Variants in GRK5 observed in about 807,000 individuals in gnomAD.
The protein encoded by GRK5 is g protein-coupled receptor kinase GRK5.
Under a neutral mutation model 78.4 loss-of-function variants are expected in GRK5, and 40 were observed. That is an observed-to-expected ratio of 0.51 (90% CI 0.40 to 0.66). The LOEUF (loss-of-function observed/expected upper bound fraction) is 0.66, where lower values mean the gene tolerates loss of function less well. Ranked by LOEUF, GRK5 falls within the 30% of genes least tolerant of loss-of-function variation. The pLI is 0.00. For missense variants in GRK5, 598 were observed against 759.9 expected (o/e 0.79, Z 2.50); for synonymous variants, 289 against 296.8 (o/e 0.97, Z 0.27).
At chr10:119,225,467 A>T (rs1441562147) in intron 1 of GRK5, among the ~76,000 whole-genome samples, 2 of 152,102 alleles carry the variant, frequency 1.3e-5, no homozygotes, top group East Asian at 1.9e-4. Context: ...GTTGTCGGGG[A>T]CACTGTTGTC....
At chr10:119,355,242 C>G (rs1851247508) in intron 2 of GRK5, among the ~76,000 whole-genome samples, 3 of 152,154 alleles carry the variant, frequency 2.0e-5, no homozygotes, top group Admixed American at 2.0e-4. Context: ...ATAAGGAATG[C>G]CAACAGTATA....
chr10:119,405,566 C>T (rs1852223921), intron 4 of GRK5, among the ~76,000 whole-genome samples: 1 of 151,992 alleles, frequency 6.6e-6, no homozygotes, highest in Admixed American at 6.6e-5. Context: ...GCTCCCCACC[C>T]CCACCCAGGC....
chr10:119,218,325 A>AG (rs1028875246), intron 1 of GRK5, among the ~76,000 whole-genome samples: 1 of 152,118 alleles, frequency 6.6e-6, no homozygotes, highest in Non-Finnish European at 1.5e-5. Flanking sequence ...AGGGAAGGGG[A>AG]GGGGGTAGGA....
At position 119,431,618 on chromosome 10, in the gene GRK5, C is replaced by G; in HGVS notation, c.738+91C>G. 6.9e-7 allele frequency: 1 copy of G among 1,446,154 alleles called. No homozygotes were observed. The allele number at this position is 1,446,154 out of a possible 1,614,324, so 89.6% of individuals were successfully genotyped here. The stretch of plus-strand genomic sequence containing the variant: ...GAAGGGCGTGGTCCTCTAATGCGGC[C>G]GGTCCCCACCCCTGGGAAGGGGAAT... On this transcript the variant is annotated intron_variant, in intron 8 of 15. Coordinates refer to ENST00000392870, the MANE Select transcript of GRK5 (RefSeq NM_005308.3). This position sits in a 1 kb window ranked among gnomAD's most constrained non-coding sequence, Gnocchi z 4.8.
intron 1 of GRK5, among the ~76,000 whole-genome samples, chr10:119,234,551 G>A (rs775604364): frequency 3.9e-5 from 6 of 152,178 alleles, no homozygotes; most frequent in Non-Finnish European, 7.3e-5. Context: ...AAATGATAAT[G>A]TGTCTTAAAT....
intron 4 of GRK5, 67 bp from the exon 5 acceptor site, chr10:119,423,099 G>A (rs2133884361): frequency 9.2e-7 from 1 of 1,081,944 alleles, no homozygotes; most frequent in Non-Finnish European, 1.4e-6. Context: ...CCCAACACCT[G>A]TGGGCAAACC....
At chr10:119,409,171 ATCT>A (rs1185025337) in intron 4 of GRK5, among the ~76,000 whole-genome samples, 3 of 152,182 alleles carry the variant, frequency 2.0e-5, no homozygotes, top group Non-Finnish European at 4.4e-5. Context: ...TGTCCTTAGC[ATCT>A]TCTCACGTCA....
At chr10:119,383,597 C>T (rs986904307) in intron 3 of GRK5, among the ~76,000 whole-genome samples, 1 of 152,250 alleles carries the variant, frequency 6.6e-6, no homozygotes, top group Non-Finnish European at 1.5e-5. Flanking sequence ...CTACCATCCT[C>T]CAGTAGCAGT....
intron 1 of GRK5, among the ~76,000 whole-genome samples, chr10:119,318,642 C>T (rs1285986448): frequency 3.9e-5 from 6 of 152,104 alleles, no homozygotes; most frequent in Non-Finnish European, 7.4e-5. Context: ...AATCCATCAT[C>T]GCTGCACCCC....
intron 13 of GRK5, among the ~76,000 whole-genome samples, chr10:119,450,026 G>A (rs898404831): frequency 6.6e-6 from 1 of 152,226 alleles, no homozygotes; most frequent in Non-Finnish European, 1.5e-5. Context: ...CCAGGGTTGA[G>A]AGTCACTATT....
intron 1 of GRK5, among the ~76,000 whole-genome samples, chr10:119,249,344 AT>A (rs1474629290): frequency 6.6e-6 from 1 of 152,200 alleles, no homozygotes; most frequent in African/African-American, 2.4e-5. Context: ...GACTTAATAT[AT>A]ATATCAAATA....
chr10:119,325,282 G>A (rs1002357226), intron 1 of GRK5, among the ~76,000 whole-genome samples: 1 of 152,220 alleles, frequency 6.6e-6, no homozygotes, highest in Non-Finnish European at 1.5e-5. Flanking sequence ...CTCAGAGAGG[G>A]CGGGTGCTTG....
intron 1 of GRK5, among the ~76,000 whole-genome samples, chr10:119,300,202 G>A (rs571767209): frequency 7.6e-4 from 116 of 152,308 alleles, no homozygotes; most frequent in African/African-American, 2.7e-3. Context: ...AGGTTTTTAT[G>A]AGTTGGCAAA....
chr10:119,412,890 G>C lies in GRK5; in HGVS notation c.340-10276G>C, dbSNP rs1852372968. Among the ~76,000 whole-genome samples, 1 of 152,184 alleles carries C rather than the reference G, an allele frequency of 6.6e-6. No individual in the cohort carries two copies. The highest frequency in any genetic ancestry group is 2.1e-4 in the South Asian group (1 of 4,822). On this transcript the variant is annotated intron_variant, in intron 4 of 15. Coordinates refer to ENST00000392870, the MANE Select transcript of GRK5 (RefSeq NM_005308.3). The surrounding 1 kb of genome is among the most constrained non-coding windows in gnomAD (Gnocchi z 4.3). ...CCCCAGACCCCGTCGCTGCAGCTGG[G>C]TGAGCAGGGCTGAGTGAGCTCAGGG... is the stretch of plus-strand genomic sequence containing the variant.
intron 1 of GRK5, among the ~76,000 whole-genome samples, chr10:119,294,528 G>C (rs1850044949): frequency 1.3e-5 from 2 of 152,150 alleles, no homozygotes; most frequent in Non-Finnish European, 2.9e-5. Flanking sequence ...CTCAGGAAAG[G>C]GCCAAGACTC....
intron 8 of GRK5, among the ~76,000 whole-genome samples, chr10:119,432,111 G>T (rs1427178527): frequency 2.6e-5 from 4 of 152,194 alleles, no homozygotes; most frequent in Admixed American, 6.5e-5. Context: ...GAAAGTGAGT[G>T]CTAGGGGTTC....
intron 1 of GRK5, among the ~76,000 whole-genome samples, chr10:119,239,176 G>A (rs1026038976): frequency 9.2e-5 from 14 of 151,508 alleles, no homozygotes; most frequent in Admixed American, 5.3e-4. Flanking sequence ...CTGGGGCTTC[G>A]GGATAACAAG....
intron 3 of GRK5, among the ~76,000 whole-genome samples, chr10:119,394,303 TGTGTGGGC>T: frequency 7.6e-5 from 1 of 13,202 alleles, no homozygotes; most frequent in Non-Finnish European, 3.8e-4. Flanking sequence ...TCTGTGTGTC[TGTGTGGGC>T]ACGTGGGTGT....
In GRK5 at chr10:119,264,233, T is replaced by C. The variant is rs1387509316; in HGVS notation, c.52+56264T>C. On this transcript the variant is annotated intron_variant, in intron 1 of 15. Transcript: ENST00000392870. This position sits in a 1 kb window ranked among gnomAD's most constrained non-coding sequence, Gnocchi z 4.1. ...CTGCTCAGTTCCAGCAAGGTGACTG[T>C]CATTAGGCAGATCTCTTTCCATTAC... Among the ~76,000 whole-genome samples the C allele has an allele frequency of 6.6e-6, 1 of 152,192 alleles. No homozygotes were observed. Among genetic ancestry groups the C allele is most frequent in the African/African-American group, 2.4e-5 (1 of 41,450 alleles).
Sources: allele counts gnomAD v4.1 joint callset (sites outside exome capture counted in the v4.1 genomes callset), GRCh38; gene constraint gnomAD v4.1.1; non-coding constraint Gnocchi (gnomAD v3.1); transcripts MANE v1.5; gene names NCBI Gene and HGNC (gene_info 2026-07-23, HGNC 2026-07-21).